The following SCARB2 variants were observed in gnomAD, a reference collection of about 807,000 sequenced individuals.
SCARB2 encodes the protein scavenger receptor class B member 2, also known as lysosome membrane protein 2.
Under a neutral mutation model 58.6 loss-of-function variants are expected in SCARB2, and 29 were observed. The observed-to-expected ratio is 0.49, with a 90% CI of 0.37 to 0.67. The LOEUF (loss-of-function observed/expected upper bound fraction) is 0.67, where lower values mean the gene tolerates loss of function less well. Among genes scored for constraint, SCARB2 ranks in the 30% least tolerant of loss-of-function variants. The pLI is 0.00. For missense variants in SCARB2, 488 were observed against 578.5 expected (o/e 0.84, Z 1.60); for synonymous variants, 195 against 210.1 (o/e 0.93, Z 0.62).
In SCARB2 at chr4:76,161,350, G is replaced by C; in HGVS notation, c.*363C>G. Reference sequence around the variant, plus strand: ...CAAAGTTCGGTGAATGAAGCATACTGAATGAAGTTAGACCAGTAGCATTAA... The same window carrying C: ...CAAAGTTCGGTGAATGAAGCATACTCAATGAAGTTAGACCAGTAGCATTAA... On this transcript the variant is annotated 3_prime_UTR_variant, in exon 12 of 12. Coordinates refer to ENST00000264896, the MANE Select transcript of SCARB2 (RefSeq NM_005506.4). 1 of 303,512 alleles carries C rather than the reference G, an allele frequency of 3.3e-6. No individual in the cohort carries two copies. The highest frequency in any genetic ancestry group is 4.1e-5 in the South Asian group (1 of 24,362). The allele number at this position is 303,512 out of a possible 1,614,324, so 18.8% of individuals were successfully genotyped here. A position where few individuals can be genotyped will look rare whatever the true frequency, so the allele number is the denominator to read the frequency against.
At chr4:76,175,529 G>A in intron 6 of SCARB2, 1 of 475,042 alleles carries the variant, frequency 2.1e-6, no homozygotes, top group South Asian at 2.2e-5. Context: ...TACAAATAAG[G>A]AAAGTGAGGT....
intron 1 of SCARB2, among the ~76,000 whole-genome samples, chr4:76,226,231 C>G (rs1041219562): frequency 6.6e-6 from 1 of 152,108 alleles, no homozygotes; most frequent in Non-Finnish European, 1.5e-5. Context: ...GGTAATCAAA[C>G]AAAGAAGCAG....
At position 76,180,225 on chromosome 4, in the gene SCARB2, A is replaced by T. The variant is rs1470194; in HGVS notation, c.424-520T>A. ...AGAATGTTTACTGGGCCAGCCCAGG[A>T]ACAGTGGTTCACGCCTGGAGTCCCT... On this transcript the variant is annotated intron_variant, in intron 3 of 11. Coordinates refer to ENST00000264896, the MANE Select transcript of SCARB2 (RefSeq NM_005506.4). 1.0e-4 allele frequency: 17 copies of T among 169,958 alleles called. No homozygotes were observed. In the East Asian group the frequency reaches 2.5e-3, roughly 25 times the overall value. 10.5% of individuals were successfully genotyped at this position (169,958 alleles called of 1,614,324 possible). A position where few individuals can be genotyped will look rare whatever the true frequency, so the allele number is the denominator to read the frequency against.
At chr4:76,189,352 C>T (rs1175565191) in intron 2 of SCARB2, among the ~76,000 whole-genome samples, 1 of 152,242 alleles carries the variant, frequency 6.6e-6, no homozygotes, top group Non-Finnish European at 1.5e-5. Flanking sequence ...AATTGACTCA[C>T]AGCTCAGCAT....
chr4:76,209,301 C>T (rs1298810431), intron 1 of SCARB2, among the ~76,000 whole-genome samples: 1 of 152,188 alleles, frequency 6.6e-6, no homozygotes, highest in Non-Finnish European at 1.5e-5. Flanking sequence ...CTTTAAAAAA[C>T]AAGATCCCAT....
At chr4:76,175,397 C>CT (rs1484840363) in intron 6 of SCARB2, 2 of 266,988 alleles carry the variant, frequency 7.5e-6, no homozygotes, top group Non-Finnish European at 1.5e-5. Flanking sequence ...ATCATAGTAA[C>CT]TAAGAGCCAA....
chr4:76,181,136 A>G, intron 2 of SCARB2, 35 bp from the exon 3 acceptor site: 2 of 1,599,274 alleles, frequency 1.3e-6, no homozygotes, highest in Non-Finnish European at 1.7e-6. Context: ...TTGAAAATAG[A>G]CACCACTTTA....
chr4:76,174,759 C>T (rs1040201985), intron 6 of SCARB2: 2 of 173,952 alleles, frequency 1.1e-5, no homozygotes, highest in Non-Finnish European at 2.5e-5. Context: ...AAAAGTGTCA[C>T]ATTGGACAGA....
Position 76,213,584 on chromosome 4 carries a change from A to C in SCARB2, c.-41T>G. On this transcript the variant is annotated 5_prime_UTR_variant, in exon 1 of 12. Coordinates refer to ENST00000264896, the MANE Select transcript of SCARB2 (RefSeq NM_005506.4). ...CGGGCCGGGCCGGGCCGCACCCGCC[A>C]GGGATCCAACTGCAAGGAGGGAGGA... is the stretch of plus-strand genomic sequence containing the variant. 6.4e-7 allele frequency: 1 copy of C among 1,556,408 alleles called. No homozygotes were observed. The highest frequency in any genetic ancestry group is 1.1e-5 in the South Asian group (1 of 88,778).
chr4:76,206,219 C>G (rs1404613845), intron 1 of SCARB2, among the ~76,000 whole-genome samples: 1 of 152,140 alleles, frequency 6.6e-6, no homozygotes, highest in African/African-American at 2.4e-5. Context: ...GACTTCCTAG[C>G]CTCCAGAACT....
chr4:76,217,026 G>T (rs1733219864), upstream of SCARB2, among the ~76,000 whole-genome samples: 1 of 152,108 alleles, frequency 6.6e-6, no homozygotes, highest in Non-Finnish European at 1.5e-5. Flanking sequence ...TTGACACAAA[G>T]CCCCAAAATC....
intron 8 of SCARB2, among the ~76,000 whole-genome samples, chr4:76,168,742 T>A (rs566171477): frequency 6.6e-6 from 1 of 152,340 alleles, no homozygotes; most frequent in East Asian, 1.9e-4. Context: ...TCTGATTCAG[T>A]AGACTGGCCA....
chr4:76,177,371 G>A (rs972634675), intron 4 of SCARB2, among the ~76,000 whole-genome samples: 1 of 151,868 alleles, frequency 6.6e-6, no homozygotes, highest in African/African-American at 2.4e-5. Flanking sequence ...AGTAAGCGTT[G>A]GTGAGGATGT....
intron 6 of SCARB2, chr4:76,175,269 C>T: frequency 6.2e-6 from 1 of 160,254 alleles, no homozygotes; most frequent in Non-Finnish European, 1.4e-5. Flanking sequence ...CCTTCTCTGC[C>T]TCCCCTGAGG....
At chr4:76,185,149 G>C (rs1340770422) in intron 2 of SCARB2, among the ~76,000 whole-genome samples, 1 of 152,192 alleles carries the variant, frequency 6.6e-6, no homozygotes, top group Non-Finnish European at 1.5e-5. Context: ...CTCTCATTCA[G>C]GGTATTCCTT....
chr4:76,200,214 T>C (rs1292723409), intron 1 of SCARB2, among the ~76,000 whole-genome samples: 1 of 152,220 alleles, frequency 6.6e-6, no homozygotes, highest in Non-Finnish European at 1.5e-5. Context: ...CAGACAAACC[T>C]TGTAATCAGC....
chr4:76,203,788 A>G (rs76535416), intron 1 of SCARB2, among the ~76,000 whole-genome samples: 3,593 of 152,314 alleles, frequency 0.024, 124 homozygotes, highest in African/African-American at 0.082. Context: ...AAGTCAGCCT[A>G]ACAGCAATCT....
rs1293391046 is a variant in SCARB2 at position 76,195,808 on chromosome 4, C to G, written c.174G>C (p.Leu58=). 2 of 1,613,670 alleles carry G rather than the reference C, an allele frequency of 1.2e-6. No individual in the cohort carries two copies. Among genetic ancestry groups the G allele is most frequent in the Non-Finnish European group, 1.7e-6 (2 of 1,179,672 alleles). The part of the protein sequence containing the change: ...EAFDSWEKPP[L]PVYTQFYFFN... ...AGAAATAGAACTGAGTATACACAGG[C>G]AGAGGGGGCTTCTCCCAGGAGTCAA... Residue 58 remains leucine (L), a synonymous_variant, in exon 2 of 12, where the codon CTG becomes CTC. Transcript: ENST00000264896.
intron 2 of SCARB2, among the ~76,000 whole-genome samples, chr4:76,191,169 C>G (rs1160673090): frequency 6.6e-6 from 1 of 152,186 alleles, no homozygotes; most frequent in Admixed American, 6.5e-5. Flanking sequence ...TACAAACTTT[C>G]TCTACCCAGT....
Sources: allele counts gnomAD v4.1 joint callset (sites outside exome capture counted in the v4.1 genomes callset), GRCh38; gene constraint gnomAD v4.1.1; transcripts MANE v1.5; gene names NCBI Gene and HGNC (gene_info 2026-07-23, HGNC 2026-07-21).